Variants in LMTK2 observed in about 807,000 individuals in gnomAD.
The protein encoded by LMTK2 is lemur tail kinase 2.
LMTK2 carries 37 observed loss-of-function variants against 127.5 expected under a neutral mutation model. That is an observed-to-expected ratio of 0.29 (90% CI 0.22 to 0.38). The LOEUF (loss-of-function observed/expected upper bound fraction) is 0.38, where lower values mean the gene tolerates loss of function less well. Among genes scored for constraint, LMTK2 ranks in the 10% least tolerant of loss-of-function variants. The pLI, the probability that LMTK2 is intolerant of heterozygous loss-of-function variation, is 1.00. For missense variants in LMTK2, 1,694 were observed against 1,920.3 expected (o/e 0.88, Z 2.20); for synonymous variants, 819 against 810.1 (o/e 1.01, Z -0.19).
chr7:98,129,859 A>C (rs1352787790), intron 1 of LMTK2, among the ~76,000 whole-genome samples: 1 of 151,986 alleles, frequency 6.6e-6, no homozygotes, highest in Non-Finnish European at 1.5e-5. Context: ...CTGGGGAGTC[A>C]TTGGTGGATT....
chr7:98,173,593 A>G (rs984001054), intron 7 of LMTK2, among the ~76,000 whole-genome samples: 2 of 152,254 alleles, frequency 1.3e-5, no homozygotes, highest in Admixed American at 6.5e-5. Flanking sequence ...AAAGACAACT[A>G]GAATCTGTAT....
chr7:98,167,385 A>G (rs1797116516), intron 6 of LMTK2, among the ~76,000 whole-genome samples: 1 of 152,154 alleles, frequency 6.6e-6, no homozygotes, highest in Non-Finnish European at 1.5e-5. Context: ...TCACGGTTGG[A>G]TTTATGTTTT....
intron 3 of LMTK2, among the ~76,000 whole-genome samples, chr7:98,148,031 C>G (rs1241850810): frequency 6.6e-6 from 1 of 151,390 alleles, no homozygotes; most frequent in African/African-American, 2.4e-5. Context: ...CCCATCTCTA[C>G]AAAAAAATAC....
At chr7:98,123,765 T>G (rs1796403046) in intron 1 of LMTK2, among the ~76,000 whole-genome samples, 1 of 152,188 alleles carries the variant, frequency 6.6e-6, no homozygotes, top group African/African-American at 2.4e-5. Flanking sequence ...ACACACTTTT[T>G]GGGAAGAATT....
chr7:98,180,152 T>C (rs1212128180), intron 7 of LMTK2, among the ~76,000 whole-genome samples: 1 of 152,260 alleles, frequency 6.6e-6, no homozygotes, highest in African/African-American at 2.4e-5. Flanking sequence ...ATCAATGTTA[T>C]GTATCAAGCT....
chr7:98,148,592 C>T (rs139648552), intron 3 of LMTK2, among the ~76,000 whole-genome samples: 43 of 151,960 alleles, frequency 2.8e-4, no homozygotes, highest in African/African-American at 1.0e-3. Context: ...TGACAGTTTC[C>T]GTTTGTTCAT....
Position 98,194,438 on chromosome 7 carries a change from G to A in LMTK2, c.3973G>A (p.Glu1325Lys), listed in dbSNP as rs142280384. Residue 1325 changes from glutamate to lysine, a missense_variant, in exon 11 of 14, where the codon GAG becomes AAG. Glu to Lys is a moderately conservative substitution (Grantham distance 56). Around this residue, in one of 8 missense-constraint regions of LMTK2, gnomAD observed 554 missense variants for 567.7 expected, o/e 0.98. Transcript: ENST00000297293. This position sits in a 1 kb window ranked among gnomAD's most constrained non-coding sequence, Gnocchi z 5.4. The stretch of plus-strand genomic sequence containing the variant: ...CCCCGTGCCCATCATCCTCAGCAAC[G>A]AGGACGGAAGGCACCTGCGGAGTCT... The part of the protein sequence containing the change: ...EHPVPIILSN[E>K]DGRHLRSLLK... The A allele has an allele frequency of 1.5e-4, 243 of 1,613,988 alleles. No homozygotes were observed. The highest frequency in any genetic ancestry group is 1.9e-4 in the Non-Finnish European group (226 of 1,180,050).
chr7:98,187,189 T>C (rs1797448662), intron 9 of LMTK2, among the ~76,000 whole-genome samples, 191 bp downstream of exon 9: 1 of 152,250 alleles, frequency 6.6e-6, no homozygotes, highest in African/African-American at 2.4e-5. Flanking sequence ...GTTAACGTTT[T>C]GAATACTGCC....
chr7:98,145,593 T>C (rs1796761147), intron 3 of LMTK2, among the ~76,000 whole-genome samples: 2 of 152,198 alleles, frequency 1.3e-5, no homozygotes, highest in African/African-American at 4.8e-5. Context: ...GCTTCATTCA[T>C]GCACTGATCT....
intron 11 of LMTK2, among the ~76,000 whole-genome samples, chr7:98,198,272 C>T (rs1371757648): frequency 6.6e-6 from 1 of 151,470 alleles, no homozygotes; most frequent in Non-Finnish European, 1.5e-5. Flanking sequence ...CTCACTGCAA[C>T]CTCCGCCTCC....
At chr7:98,175,611 C>G (rs1016056159) in intron 7 of LMTK2, among the ~76,000 whole-genome samples, 2 of 152,218 alleles carry the variant, frequency 1.3e-5, no homozygotes, top group Admixed American at 1.3e-4. Flanking sequence ...AACCGGAATT[C>G]ATATATGGTG....
At chr7:98,158,490 A>C (rs560074449) in intron 5 of LMTK2, among the ~76,000 whole-genome samples, 1 of 152,260 alleles carries the variant, frequency 6.6e-6, no homozygotes, top group African/African-American at 2.4e-5. Flanking sequence ...GTCCTGGCTG[A>C]AATACTTACT....
chr7:98,198,497 C>CT (rs1245225649), intron 11 of LMTK2, among the ~76,000 whole-genome samples: 1 of 151,904 alleles, frequency 6.6e-6, no homozygotes. Context: ...CCTCTTTTCT[C>CT]TTTTTTTGAG....
chr7:98,167,827 G>C (rs548633120), intron 6 of LMTK2, among the ~76,000 whole-genome samples: 222 of 152,320 alleles, frequency 1.5e-3, no homozygotes, highest in Middle Eastern at 0.01. Flanking sequence ...GGGTCCTTAC[G>C]GATCAACGAG....
intron 6 of LMTK2, among the ~76,000 whole-genome samples, chr7:98,160,738 C>T (rs1797004580): frequency 6.6e-6 from 1 of 152,072 alleles, no homozygotes; most frequent in African/African-American, 2.4e-5. Context: ...AAAGATTTTC[C>T]TTATAATTCT....
chr7:98,148,142 G>A (rs1471808730), intron 3 of LMTK2, among the ~76,000 whole-genome samples: 2 of 152,012 alleles, frequency 1.3e-5, no homozygotes, highest in South Asian at 2.1e-4. Flanking sequence ...GTTGCAGTGC[G>A]GGATTGCACT....
chr7:98,171,711 C>T lies in LMTK2; in HGVS notation c.791+37C>T. 3.3e-6 allele frequency: 5 copies of T among 1,528,056 alleles called. No individual in the cohort carries two copies. Among genetic ancestry groups the T allele is most frequent in the Non-Finnish European group, 4.4e-6 (5 of 1,142,922 alleles). The allele number at this position is 1,528,056 out of a possible 1,614,324, so 94.7% of individuals were successfully genotyped here. ...CGTCAGCGGTGCACGCCCCACACAG[C>T]ACCGGCGGGACAGTCCAGAGAGGCT... On this transcript the variant is annotated intron_variant, in intron 7 of 13. Transcript: ENST00000297293. The surrounding 1 kb of genome is among the most constrained non-coding windows in gnomAD (Gnocchi z 5.1).
rs1797791535 is a variant in LMTK2, at chr7:98,206,016, ATCT to A, written c.*527_*529del. On this transcript the variant is annotated 3_prime_UTR_variant, in exon 14 of 14. Coordinates refer to ENST00000297293, the MANE Select transcript of LMTK2 (RefSeq NM_014916.4). ...CCGAGAGTCTCCATTGTTGTACAGGATCTTCAGTTATTCGAGGGGAATGAGGCA... is the reference window on the plus strand; with the variant it reads ...CCGAGAGTCTCCATTGTTGTACAGGATCAGTTATTCGAGGGGAATGAGGCA... The A allele has an allele frequency of 6.5e-6, 1 of 154,802 alleles. No individual in the cohort carries two copies. Among genetic ancestry groups the A allele is most frequent in the Admixed American group, 6.4e-5 (1 of 15,728 alleles). 9.6% of individuals were successfully genotyped at this position (154,802 alleles called of 1,614,324 possible).
intron 2 of LMTK2, among the ~76,000 whole-genome samples, chr7:98,138,234 C>T (rs552665312): frequency 8.5e-5 from 13 of 152,250 alleles, no homozygotes; most frequent in African/African-American, 2.9e-4. Context: ...CCCTGTTGAC[C>T]GCGCAGGGCT....
Sources: gnomAD v4.1 joint callset for allele counts (sites outside exome capture counted in the v4.1 genomes callset) on GRCh38, gnomAD v4.1.1 for gene constraint, gnomAD v4.1.1 regional missense constraint, Gnocchi (gnomAD v3.1) non-coding constraint, MANE v1.5 for transcripts, NCBI Gene and HGNC (gene_info 2026-07-23, HGNC 2026-07-21) for gene names.